Variants in STARD13 observed in about 807,000 individuals in gnomAD.
STARD13 encodes StAR related lipid transfer domain containing 13.
In STARD13, 62 loss-of-function variants were observed where a neutral mutation model predicts 106.4. That is an observed-to-expected ratio of 0.58 (90% CI 0.48 to 0.72). STARD13 has a LOEUF of 0.72. Among genes scored for constraint, STARD13 ranks in the 30% least tolerant of loss-of-function variants. The probability of loss-of-function intolerance (pLI) is 0.00; values close to 1 mark genes in which losing one functional copy is unlikely to be tolerated. For missense variants in STARD13, 1,387 were observed against 1,424.0 expected (o/e 0.97, Z 0.42); for synonymous variants, 565 against 553.0 (o/e 1.02, Z -0.31).
chr13:33,151,219 A>G (rs991693808), intron 3 of STARD13, among the ~76,000 whole-genome samples: 2 of 152,218 alleles, frequency 1.3e-5, no homozygotes, highest in African/African-American at 4.8e-5. Flanking sequence ...TTTCATTGCT[A>G]TTAAGGAATA....
At chr13:33,108,237 C>T (rs977660700) in intron 12 of STARD13, among the ~76,000 whole-genome samples, 3 of 152,194 alleles carry the variant, frequency 2.0e-5, no homozygotes, top group Non-Finnish European at 4.4e-5. Context: ...GTAAGATGCT[C>T]TGAAGACAGG....
In STARD13 at chr13:33,104,278, C is replaced by T. The variant is rs562615349; in HGVS notation, c.*1315G>A. 1.4e-4 allele frequency: 22 copies of T among 152,310 alleles called. No individual in the cohort carries two copies. Among genetic ancestry groups the T allele is most frequent in the Admixed American group, 5.2e-4 (8 of 15,304 alleles). 9.4% of individuals were successfully genotyped at this position (152,310 alleles called of 1,614,324 possible). On this transcript the variant is annotated 3_prime_UTR_variant, in exon 14 of 14. Coordinates refer to ENST00000336934, the MANE Select transcript of STARD13 (RefSeq NM_178006.4). ...AGCAGTTGGCTAAAGGGAGTCAATT[C>T]GCTTCATCTGTACAATAATAAATAA...
chr13:33,141,147 T>C (rs1415093547), intron 4 of STARD13, among the ~76,000 whole-genome samples: 1 of 152,122 alleles, frequency 6.6e-6, no homozygotes, highest in Non-Finnish European at 1.5e-5. Context: ...AGATGTTAAA[T>C]GAAAAAAGTA....
the STARD13 span, among the ~76,000 whole-genome samples, chr13:33,495,934 T>C: frequency 7.0e-6 from 1 of 143,780 alleles, no homozygotes; most frequent in Non-Finnish European, 1.5e-5. Context: ...TATTATTGTA[T>C]ATAATTATAT....
chr13:33,674,940 T>C, the STARD13 span, among the ~76,000 whole-genome samples: 1 of 152,130 alleles, frequency 6.6e-6, no homozygotes, highest in Non-Finnish European at 1.5e-5. Context: ...GGAGAAATGT[T>C]GTCAAGTTAA....
the STARD13 span, among the ~76,000 whole-genome samples, chr13:33,443,376 CA>C: frequency 0.038 from 3,598 of 94,674 alleles, 107 homozygotes; most frequent in African/African-American, 0.1. Flanking sequence ...GATTCTGTCT[CA>C]AAAAAAAAAA....
At chr13:33,587,570 C>A in the STARD13 span, among the ~76,000 whole-genome samples, 3 of 152,280 alleles carry the variant, frequency 2.0e-5, no homozygotes, top group African/African-American at 4.8e-5. Context: ...TCATTCACAC[C>A]TTTTCCTTGT....
At chr13:33,210,061 C>T (rs540919764) in intron 1 of STARD13, among the ~76,000 whole-genome samples, 3 of 152,218 alleles carry the variant, frequency 2.0e-5, no homozygotes, top group East Asian at 1.9e-4. Flanking sequence ...ACGCTGGGGT[C>T]GACAACAGCC....
the STARD13 span, among the ~76,000 whole-genome samples, chr13:33,370,619 CTT>C: frequency 1.2e-4 from 16 of 131,564 alleles, no homozygotes; most frequent in Admixed American, 3.8e-4. Flanking sequence ...TTCTTTCTTT[CTT>C]TTTTTTTTTT....
intron 1 of STARD13, among the ~76,000 whole-genome samples, chr13:33,264,702 G>A (rs966918968): frequency 3.9e-5 from 6 of 152,170 alleles, no homozygotes; most frequent in African/African-American, 4.8e-5. Flanking sequence ...GGAAACTTCC[G>A]GAGCTGGTTA....
chr13:33,288,573 C>T (rs2138425484), upstream of STARD13, among the ~76,000 whole-genome samples: 1 of 151,650 alleles, frequency 6.6e-6, no homozygotes. Context: ...TCACACTTGG[C>T]CCTACATTTT....
chr13:33,640,326 A>G, the STARD13 span, among the ~76,000 whole-genome samples: 1 of 152,238 alleles, frequency 6.6e-6, no homozygotes, highest in Non-Finnish European at 1.5e-5. Flanking sequence ...TAATTCGACT[A>G]CAAATGCAAT....
intron 1 of STARD13, among the ~76,000 whole-genome samples, chr13:33,215,937 A>T (rs903399594): frequency 1.3e-5 from 2 of 152,216 alleles, no homozygotes. Context: ...AAGATATACA[A>T]ATGGCCAACA....
the STARD13 span, among the ~76,000 whole-genome samples, chr13:33,393,100 T>G: frequency 6.6e-6 from 1 of 152,368 alleles, no homozygotes; most frequent in Middle Eastern, 3.4e-3. Flanking sequence ...TTTTCAGAGA[T>G]AAATCTTAGG....
intron 4 of STARD13, among the ~76,000 whole-genome samples, chr13:33,141,450 T>G (rs2138229217): frequency 6.6e-6 from 1 of 152,330 alleles, no homozygotes; most frequent in South Asian, 2.1e-4. Context: ...ACAGCTTTAT[T>G]TCAAAACTCA....
intron 1 of STARD13, among the ~76,000 whole-genome samples, chr13:33,324,624 T>C (rs886865450): frequency 5.9e-5 from 9 of 152,238 alleles, no homozygotes; most frequent in African/African-American, 1.9e-4. Flanking sequence ...GTTTAGCGTT[T>C]CATGTCTTTT....
chr13:33,387,266 G>A, the STARD13 span, among the ~76,000 whole-genome samples: 11 of 152,130 alleles, frequency 7.2e-5, no homozygotes, highest in South Asian at 2.1e-4. Flanking sequence ...CAGCTCCTAA[G>A]TTGCTGGGAT....
At chr13:33,405,216 T>C in the STARD13 span, among the ~76,000 whole-genome samples, 1 of 152,210 alleles carries the variant, frequency 6.6e-6, no homozygotes, top group Non-Finnish European at 1.5e-5. Context: ...GGTTATCATA[T>C]CCCTTGGGAA....
the STARD13 span, among the ~76,000 whole-genome samples, chr13:33,559,792 C>T: frequency 2.0e-5 from 3 of 151,434 alleles, no homozygotes; most frequent in African/African-American, 7.3e-5. Context: ...GGGAGGTGGA[C>T]GTTGCAGTGA....
Sources: gnomAD v4.1 joint callset for allele counts (sites outside exome capture counted in the v4.1 genomes callset) on GRCh38, gnomAD v4.1.1 for gene constraint, MANE v1.5 for transcripts, NCBI Gene and HGNC (gene_info 2026-07-23, HGNC 2026-07-21) for gene names.